The following CHODL variants were observed in gnomAD, a reference collection of about 807,000 sequenced individuals.
The protein encoded by CHODL is chondrolectin, also known as transmembrane protein MT75.
A neutral mutation model predicts 34.5 loss-of-function variants in CHODL; 29 were observed. That is an observed-to-expected ratio of 0.84 (90% confidence interval 0.63 to 1.15). CHODL has a LOEUF of 1.15. CHODL is among the 50% of genes most tolerant of loss of function. The probability of loss-of-function intolerance (pLI) is 0.00; values close to 1 mark genes in which losing one functional copy is unlikely to be tolerated. For missense variants in CHODL, 332 were observed against 332.5 expected, an observed-to-expected ratio of 1.00 and a Z score of 0.01; for synonymous variants, 125 against 116.1, an observed-to-expected ratio of 1.08 and a Z score of -0.49.
intron 2 of CHODL, among the ~76,000 whole-genome samples, chr21:18,039,976 G>A (rs984121831): frequency 2.6e-5 from 4 of 151,580 alleles, no homozygotes; most frequent in Non-Finnish European, 5.9e-5. Flanking sequence ...CTCCAAACAT[G>A]GACTAAGTTC....
upstream of CHODL, among the ~76,000 whole-genome samples, chr21:18,243,266 T>A (rs913732260): frequency 6.6e-5 from 10 of 152,228 alleles, no homozygotes; most frequent in African/African-American, 2.4e-4. Flanking sequence ...ACAGCTCTCC[T>A]ACCATGGCTA....
intron 1 of CHODL, among the ~76,000 whole-genome samples, chr21:18,018,227 G>C (rs557295146): frequency 3.3e-5 from 5 of 152,158 alleles, no homozygotes; most frequent in Non-Finnish European, 7.4e-5. Flanking sequence ...TTAAGACTTT[G>C]GGGGACTATT....
chr21:18,092,702 G>T (rs796607372), intron 2 of CHODL, among the ~76,000 whole-genome samples: 5 of 152,314 alleles, frequency 3.3e-5, no homozygotes, highest in African/African-American at 1.2e-4. Flanking sequence ...ATGCCTTTTA[G>T]TAGCAGAATA....
intron 2 of CHODL, among the ~76,000 whole-genome samples, chr21:18,090,874 C>A (rs575823840): frequency 2.8e-4 from 42 of 152,232 alleles, no homozygotes; most frequent in African/African-American, 9.4e-4. Context: ...TAAAGCACCA[C>A]CACAAGAACC....
At chr21:18,236,816 A>T (rs1416802673) in intron 2 of CHODL, among the ~76,000 whole-genome samples, 1 of 152,150 alleles carries the variant, frequency 6.6e-6, no homozygotes, top group Non-Finnish European at 1.5e-5. Context: ...ATGTGCTTTT[A>T]TTAACAGATA....
chr21:17,933,388 C>G (rs1407422574), intron 1 of CHODL, among the ~76,000 whole-genome samples: 1 of 152,158 alleles, frequency 6.6e-6, no homozygotes, highest in African/African-American at 2.4e-5. Flanking sequence ...GTCCCTGCGG[C>G]CTTCCGCAGT....
intron 1 of CHODL, among the ~76,000 whole-genome samples, chr21:18,012,228 A>G (rs944829419): frequency 2.6e-5 from 4 of 152,240 alleles, no homozygotes; most frequent in African/African-American, 9.6e-5. Flanking sequence ...ACTAAATGAC[A>G]TGGTGATTTC....
At chr21:17,947,928 A>G (rs906379125) in intron 1 of CHODL, among the ~76,000 whole-genome samples, 2 of 152,204 alleles carry the variant, frequency 1.3e-5, no homozygotes, top group Non-Finnish European at 2.9e-5. Context: ...ATGATTGGAT[A>G]AAGAAAATGT....
At chr21:18,261,538 G>T (rs2074383027) in intron 4 of CHODL, among the ~76,000 whole-genome samples, 1 of 151,630 alleles carries the variant, frequency 6.6e-6, no homozygotes, top group Non-Finnish European at 1.5e-5. Flanking sequence ...GTGGTGGCAG[G>T]TCCCTGTAAT....
intron 2 of CHODL, among the ~76,000 whole-genome samples, chr21:18,121,380 T>A (rs886321762): frequency 1.3e-5 from 2 of 152,142 alleles, no homozygotes; most frequent in African/African-American, 4.8e-5. Flanking sequence ...GGGCCGCAGG[T>A]TGGACAAGCA....
chr21:18,100,134 A>G (rs1177412934), intron 2 of CHODL: 1 of 152,178 alleles, frequency 6.6e-6, no homozygotes, highest in Non-Finnish European at 1.5e-5. Context: ...TAACACCCTA[A>G]GTAGACAAGT....
At chr21:18,017,700 G>A (rs1387318459) in intron 1 of CHODL, among the ~76,000 whole-genome samples, 6 of 152,242 alleles carry the variant, frequency 3.9e-5, no homozygotes, top group African/African-American at 1.4e-4. Context: ...GAGGGGAAAT[G>A]TGGGGTTGGA....
intron 1 of CHODL, among the ~76,000 whole-genome samples, chr21:18,002,118 A>C (rs1404036519): frequency 2.6e-5 from 4 of 152,148 alleles, no homozygotes; most frequent in Non-Finnish European, 5.9e-5. Context: ...AAACTTTAAA[A>C]ACTTCCTTTG....
At chr21:18,237,572 G>A (rs2146765638) in intron 2 of CHODL, among the ~76,000 whole-genome samples, 1 of 152,234 alleles carries the variant, frequency 6.6e-6, no homozygotes, top group South Asian at 2.1e-4. Context: ...TCCTGTGTTG[G>A]TTGCAGTTCT....
chr21:17,946,703 C>T (rs182105541), intron 1 of CHODL, among the ~76,000 whole-genome samples: 5 of 152,108 alleles, frequency 3.3e-5, no homozygotes, highest in African/African-American at 1.2e-4. Context: ...TCTATTTTAC[C>T]TGGTACAAGT....
chr21:17,988,436 T>C (rs1301451825), intron 1 of CHODL, among the ~76,000 whole-genome samples: 1 of 144,734 alleles, frequency 6.9e-6, no homozygotes, highest in East Asian at 2.0e-4. Context: ...TTAGGGTACA[T>C]GTGCACAATG....
Position 18,262,813 on chromosome 21 carries a change from T to G in CHODL, c.657T>G (p.Tyr219Ter). 1 of 1,599,632 alleles carries G rather than the reference T, an allele frequency of 6.3e-7. No homozygotes were observed. Among genetic ancestry groups the G allele is most frequent in the South Asian group, 1.1e-5 (1 of 90,638 alleles). The change falls in exon 5 of 6, where the codon TAT becomes TAG. Residue 219 changes from tyrosine (Y) to a stop codon, truncating the protein, a stop_gained. Transcript: ENST00000299295. LOFTEE classifies it high-confidence loss of function. ...TEAGIIPNLI[Y>*]VVIPTIPLLL... ...TAGGTATAATTCCCAATCTAATTTA[T>G]GTTGTTATACCAACAATACCCCTGC...
intron 1 of CHODL, among the ~76,000 whole-genome samples, chr21:17,936,413 G>A (rs1033138876): frequency 2.0e-5 from 3 of 151,072 alleles, no homozygotes; most frequent in Non-Finnish European, 4.4e-5. Context: ...ATAGGTGGGA[G>A]AGAGACCCTT....
Position 18,260,278 on chromosome 21 carries a change from C to T in CHODL, c.626C>T (p.Thr209Ile), listed in dbSNP as rs1273719844. Residue 209 changes from threonine (T) to isoleucine (I), a missense_variant, in exon 4 of 6, where the codon ACT becomes ATT. Coordinates refer to ENST00000299295, the MANE Select transcript of CHODL (RefSeq NM_024944.3). The part of the protein sequence containing the change: ...PGDTHQNVVV[T>I]EAGIIPNLIY... ...GACACCCATCAGAATGTGGTTGTTA[C>T]TGAAGCAGGTAATTACTTCATGTGT... 1.3e-6 allele frequency: 2 copies of T among 1,582,256 alleles called. No homozygotes were observed. Among genetic ancestry groups the T allele is most frequent in the Non-Finnish European group, 1.7e-6 (2 of 1,164,354 alleles).
Sources: allele counts gnomAD v4.1 joint callset (sites outside exome capture counted in the v4.1 genomes callset), GRCh38; gene constraint gnomAD v4.1.1; transcripts MANE v1.5; gene names NCBI Gene and HGNC (gene_info 2026-07-23, HGNC 2026-07-21).